MARCHF1: variants seen among roughly 807,000 people sequenced by gnomAD.
MARCHF1 encodes the protein membrane associated ring-CH-type finger 1.
MARCHF1 carries 40 observed loss-of-function variants against 54.2 expected under a neutral mutation model. The observed-to-expected ratio is 0.74, with a 90% confidence interval of 0.57 to 0.96. MARCHF1 has a LOEUF of 0.96. Ranked by LOEUF, MARCHF1 falls within the 40% of genes least tolerant of loss-of-function variation. The pLI, the probability that MARCHF1 is intolerant of heterozygous loss-of-function variation, is 0.00. For missense variants in MARCHF1, 586 were observed against 656.5 expected (o/e 0.89, Z 1.17); for synonymous variants, 236 against 236.3 (o/e 1.00, Z 0.01).
At chr4:164,057,096 G>A (rs1275823344) in intron 2 of MARCHF1, among the ~76,000 whole-genome samples, 1 of 152,116 alleles carries the variant, frequency 6.6e-6, no homozygotes, top group Non-Finnish European at 1.5e-5. Context: ...CATAAAGAAA[G>A]ATACAACAGA....
rs144676301 is a variant in MARCHF1, at chr4:163,942,715, C to T, written c.-39+45786G>A. 2.5e-4 allele frequency among the ~76,000 whole-genome samples: 38 copies of T among 152,180 alleles called. 1 individual carries two copies. Among genetic ancestry groups the T allele is most frequent in the Admixed American group, 2.5e-3 (38 of 15,292 alleles). On this transcript the variant is annotated intron_variant, in intron 3 of 9. Transcript: ENST00000514618. ...AATGTTTTTCCCCTATTTATTCCTC[C>T]CCATAGGGAGTTATAGGAAAGAACT... is the stretch of plus-strand genomic sequence containing the variant.
At chr4:163,927,664 ATACACAGTTAAAACAAATGC>A (rs1288733282) in intron 3 of MARCHF1, among the ~76,000 whole-genome samples, 1 of 151,828 alleles carries the variant, frequency 6.6e-6, no homozygotes, top group Admixed American at 6.6e-5. Flanking sequence ...AGTAAACTAT[ATACACAGTTAAAACAAATGC>A]TACAGAAACT....
At chr4:163,982,442 G>T (rs1752781997) in intron 3 of MARCHF1, among the ~76,000 whole-genome samples, 1 of 152,192 alleles carries the variant, frequency 6.6e-6, no homozygotes, top group Non-Finnish European at 1.5e-5. Flanking sequence ...CCAGATCCCA[G>T]CTATTTCCCA....
rs148819855 is a variant in MARCHF1 at position 164,120,823 on chromosome 4, A to G, written c.-322-9161T>C. 1.2e-3 allele frequency among the ~76,000 whole-genome samples: 180 copies of G among 152,294 alleles called. 5 individuals carry two copies. The East Asian group carries it at 0.03, about 26-fold the overall frequency. Reference sequence around the variant, plus strand: ...CACAACATACCAAAACCTATGAGATATAGCAAAAGCAGTACTAAGAGGGAA... The same window carrying G: ...CACAACATACCAAAACCTATGAGATGTAGCAAAAGCAGTACTAAGAGGGAA... On this transcript the variant is annotated intron_variant, in intron 1 of 9. Transcript: ENST00000514618.
At position 164,093,598 on chromosome 4, in the gene MARCHF1, TTAGAACCCA is replaced by T. The variant is rs1317880174; in HGVS notation, c.-248+17981_-248+17989del. On this transcript the variant is annotated intron_variant, in intron 2 of 9. Coordinates refer to ENST00000514618, the MANE Select transcript of MARCHF1 (RefSeq NM_001394959.1). ...TTAAGTTTTCAATTAGGGTTGAATA[TTAGAACCCA>T]GGAGAAATGGAATAGTGACTCCCTA... is the stretch of plus-strand genomic sequence containing the variant. 2.0e-5 allele frequency among the ~76,000 whole-genome samples: 3 copies of T among 152,248 alleles called. No homozygotes were observed. The East Asian group carries it at 5.8e-4, about 29-fold the overall frequency.
At chr4:164,115,092 A>G (rs951509362) in intron 1 of MARCHF1, among the ~76,000 whole-genome samples, 2 of 152,062 alleles carry the variant, frequency 1.3e-5, no homozygotes, top group African/African-American at 4.8e-5. Flanking sequence ...AAGACAGACA[A>G]GGAAGGAAGT....
At chr4:164,088,925 G>A (rs1265542251) in intron 2 of MARCHF1, among the ~76,000 whole-genome samples, 4 of 151,942 alleles carry the variant, frequency 2.6e-5, no homozygotes, top group Admixed American at 6.6e-5. Context: ...AATTGAAACC[G>A]GTTTGACTTA....
chr4:163,599,268 C>T (rs754832830), intron 7 of MARCHF1, among the ~76,000 whole-genome samples: 8 of 146,252 alleles, frequency 5.5e-5, no homozygotes, highest in African/African-American at 7.9e-5. Flanking sequence ...CCAGCCTGGG[C>T]GACAGAGTGA....
chr4:163,940,909 C>T (rs1256491650), intron 3 of MARCHF1, among the ~76,000 whole-genome samples: 1 of 152,024 alleles, frequency 6.6e-6, no homozygotes, highest in Non-Finnish European at 1.5e-5. Context: ...AGAGTAAACT[C>T]TCAATAAATA....
intron 4 of MARCHF1, among the ~76,000 whole-genome samples, chr4:163,737,023 C>T (rs1484777660): frequency 6.6e-6 from 1 of 152,020 alleles, no homozygotes; most frequent in African/African-American, 2.4e-5. Context: ...GGAGCAAAGC[C>T]AGAAATGTGT....
At chr4:163,811,514 AGAAG>A (rs1233003553) in intron 4 of MARCHF1, among the ~76,000 whole-genome samples, 3 of 151,988 alleles carry the variant, frequency 2.0e-5, no homozygotes, top group Non-Finnish European at 4.4e-5. Context: ...AGAGAGAGAG[AGAAG>A]GAAGGAAGGA....
chr4:164,376,025 C>A (rs1227373843), intron 1 of MARCHF1, among the ~76,000 whole-genome samples: 2 of 152,142 alleles, frequency 1.3e-5, no homozygotes, highest in African/African-American at 4.8e-5. Flanking sequence ...CGTATGTGCA[C>A]TGGCTTGTGT....
rs984356281 is a variant in MARCHF1 at position 163,525,353 on chromosome 4, A to G, written c.*3395T>C. The G allele has an allele frequency of 3.3e-5, 5 of 152,184 alleles. No individual in the cohort carries two copies. Among genetic ancestry groups the G allele is most frequent in the Admixed American group, 3.3e-4 (5 of 15,258 alleles). 9.4% of individuals were successfully genotyped at this position (152,184 alleles called of 1,614,324 possible). Reference sequence around the variant, plus strand: ...TCTGTCTGGGACTATAATCACGTGTAGAAGCAGCGCAGAGTGAGATTTAAT... The same window carrying G: ...TCTGTCTGGGACTATAATCACGTGTGGAAGCAGCGCAGAGTGAGATTTAAT... On this transcript the variant is annotated 3_prime_UTR_variant, in exon 10 of 10. Coordinates refer to ENST00000514618, the MANE Select transcript of MARCHF1 (RefSeq NM_001394959.1).
At chr4:164,195,321 A>G (rs982753614) in intron 1 of MARCHF1, among the ~76,000 whole-genome samples, 5 of 152,210 alleles carry the variant, frequency 3.3e-5, no homozygotes, top group African/African-American at 1.2e-4. Context: ...AAGATCTCAG[A>G]ATTCTGATGC....
chr4:164,348,577 T>G (rs2110872457), intron 1 of MARCHF1, among the ~76,000 whole-genome samples: 1 of 152,288 alleles, frequency 6.6e-6, no homozygotes, highest in East Asian at 1.9e-4. Context: ...CTAAGAAGGC[T>G]TAGAGACAGA....
intron 1 of MARCHF1, among the ~76,000 whole-genome samples, chr4:164,368,176 A>T (rs1196298009): frequency 7.1e-6 from 1 of 141,036 alleles, no homozygotes; most frequent in Non-Finnish European, 1.6e-5. Flanking sequence ...ATATGTTTAA[A>T]AAATAGCCAA....
intron 2 of MARCHF1, among the ~76,000 whole-genome samples, chr4:164,023,527 T>C (rs1202066866): frequency 6.6e-6 from 1 of 151,916 alleles, no homozygotes; most frequent in Non-Finnish European, 1.5e-5. Flanking sequence ...ATAAATAAAA[T>C]AAAATAAAAT....
At chr4:163,654,995 CAAATTT>C (rs940627579) in intron 5 of MARCHF1, among the ~76,000 whole-genome samples, 1 of 151,462 alleles carries the variant, frequency 6.6e-6, no homozygotes, top group Non-Finnish European at 1.5e-5. Context: ...CTATCTTGTT[CAAATTT>C]AATTTATGTA....
intron 5 of MARCHF1, among the ~76,000 whole-genome samples, chr4:163,626,901 G>C (rs753692051): frequency 5.3e-5 from 8 of 152,060 alleles, no homozygotes; most frequent in Non-Finnish European, 1.2e-4. Flanking sequence ...ACTTCATCTT[G>C]GTGACAGAAT....
Sources: gnomAD v4.1 joint callset for allele counts (sites outside exome capture counted in the v4.1 genomes callset) on GRCh38, gnomAD v4.1.1 for gene constraint, MANE v1.5 for transcripts, NCBI Gene and HGNC (gene_info 2026-07-23, HGNC 2026-07-21) for gene names.